Variants in PRICKLE2 observed in about 807,000 individuals in gnomAD.
The protein encoded by PRICKLE2 is prickle-like protein 2.
PRICKLE2 carries 21 observed loss-of-function variants against 81.4 expected under a neutral mutation model. The ratio of observed to expected loss-of-function variants is 0.26; its 90% CI spans 0.18 to 0.37. The LOEUF (loss-of-function observed/expected upper bound fraction) is 0.37. PRICKLE2 is among the 10% of genes least tolerant of loss of function. The pLI is 1.00. For missense variants in PRICKLE2, 940 were observed against 1,109.0 expected, an observed-to-expected ratio of 0.85 and a Z score of 2.16; for synonymous variants, 456 against 421.5, an observed-to-expected ratio of 1.08 and a Z score of -1.00.
chr3:64,240,474 A>G (rs1345798838), intron 2 of PRICKLE2, among the ~76,000 whole-genome samples: 1 of 152,172 alleles, frequency 6.6e-6, no homozygotes, highest in East Asian at 1.9e-4. Flanking sequence ...AAATTGAGGA[A>G]ATATAGGAAC....
chr3:64,244,358 G>A (rs575028850), intron 2 of PRICKLE2, among the ~76,000 whole-genome samples: 11 of 152,200 alleles, frequency 7.2e-5, no homozygotes, highest in Non-Finnish European at 1.0e-4. Context: ...TTTTCAGGGA[G>A]GATATAAGAT....
chr3:64,206,846 T>C (rs1394766545), intron 1 of PRICKLE2, among the ~76,000 whole-genome samples: 1 of 152,214 alleles, frequency 6.6e-6, no homozygotes, highest in Non-Finnish European at 1.5e-5. Context: ...TTTTGCTAAA[T>C]AACAGATGTA....
chr3:64,244,915 C>T (rs1228133621), intron 2 of PRICKLE2, among the ~76,000 whole-genome samples: 6 of 152,174 alleles, frequency 3.9e-5, no homozygotes, highest in Non-Finnish European at 5.9e-5. Flanking sequence ...GAATATACCC[C>T]GAATATTTCA....
rs149100199 is a variant in PRICKLE2 at position 64,265,797 on chromosome 3, C to T, written c.129-66830G>A. 8.2e-3 allele frequency among the ~76,000 whole-genome samples: 1,246 copies of T among 152,178 alleles called. 10 individuals are homozygous for T. The highest frequency in any genetic ancestry group is 0.01 in the Admixed American group (159 of 15,288). ...TCTCATTCCTCGACACATCTGTGTCCCTAAGGATAACAATTCTGGCTTAAA... is the reference window on the plus strand; with the variant it reads ...TCTCATTCCTCGACACATCTGTGTCTCTAAGGATAACAATTCTGGCTTAAA... On this transcript the variant is annotated intron_variant, in intron 2 of 8. Coordinates refer to the PRICKLE2 transcript ENST00000295902.
At chr3:64,211,046 A>G (rs1005685989) in intron 1 of PRICKLE2, among the ~76,000 whole-genome samples, 1 of 152,192 alleles carries the variant, frequency 6.6e-6, no homozygotes, top group Non-Finnish European at 1.5e-5. Flanking sequence ...AGTACAGAAC[A>G]TTCCTCAGAT....
chr3:64,201,207 G>C (rs1053806964), intron 1 of PRICKLE2, among the ~76,000 whole-genome samples: 1 of 152,150 alleles, frequency 6.6e-6, no homozygotes, highest in African/African-American at 2.4e-5. Flanking sequence ...AGGATTACAG[G>C]CATGAGCCAC....
chr3:64,153,506 T>C (rs2077578640), intron 5 of PRICKLE2, 138 bp from the exon 6 acceptor site: 1 of 754,222 alleles, frequency 1.3e-6, no homozygotes, highest in Non-Finnish European at 2.2e-6. Context: ...AAAATCCATA[T>C]GGATATGTTT....
intron 2 of PRICKLE2, among the ~76,000 whole-genome samples, chr3:64,256,421 C>T (rs1291541686): frequency 6.6e-6 from 1 of 152,120 alleles, no homozygotes; most frequent in Non-Finnish European, 1.5e-5. Flanking sequence ...AATTTGTTTT[C>T]TCATTACACA....
Position 64,225,246 on chromosome 3 carries a change from C to A in PRICKLE2, c.-377G>T. On this transcript the variant is annotated 5_prime_UTR_variant, in exon 1 of 8. Transcript: ENST00000638394. ...AGTGCTCAGATCGCCTTCCGGAGGA[C>A]CCCCAGTTTCCTCTTAACTCCCCTT... 1.0e-6 allele frequency: 1 copy of A among 985,404 alleles called. No homozygotes were observed. Among genetic ancestry groups the A allele is most frequent in the Non-Finnish European group, 1.2e-6 (1 of 829,980 alleles). The allele number at this position is 985,404 out of a possible 1,614,324, so 61.0% of individuals were successfully genotyped here. A position where few individuals can be genotyped will look rare whatever the true frequency, so the allele number is the denominator to read the frequency against.
At chr3:64,222,457 A>C (rs1427055866) in intron 1 of PRICKLE2, among the ~76,000 whole-genome samples, 1 of 152,170 alleles carries the variant, frequency 6.6e-6, no homozygotes, top group Non-Finnish European at 1.5e-5. Context: ...AAAAAGAAAG[A>C]TCTTGGGAGG....
chr3:64,164,505 T>C (rs1054152913), intron 2 of PRICKLE2, among the ~76,000 whole-genome samples: 3 of 152,210 alleles, frequency 2.0e-5, no homozygotes, highest in African/African-American at 7.2e-5. Flanking sequence ...CTCCAGAAAC[T>C]AAGTCATAAA....
intron 6 of PRICKLE2, among the ~76,000 whole-genome samples, chr3:64,151,825 G>C (rs766473994): frequency 1.4e-4 from 22 of 152,162 alleles, no homozygotes; most frequent in Non-Finnish European, 2.8e-4. Flanking sequence ...GATCTTGTGA[G>C]ACATGAAAGC....
At chr3:64,191,944 C>T (rs1160851926) in intron 2 of PRICKLE2, among the ~76,000 whole-genome samples, 1 of 152,138 alleles carries the variant, frequency 6.6e-6, no homozygotes, top group Non-Finnish European at 1.5e-5. Context: ...CCACCCTGCT[C>T]CAGACCCAGA....
intron 2 of PRICKLE2, among the ~76,000 whole-genome samples, chr3:64,177,613 G>C (rs1381547003): frequency 6.6e-6 from 1 of 151,988 alleles, no homozygotes; most frequent in African/African-American, 2.4e-5. Flanking sequence ...CTAATTTACT[G>C]TCTGTCTCTA....
intron 7 of PRICKLE2, among the ~76,000 whole-genome samples, chr3:64,132,736 G>A (rs534400393): frequency 6.6e-6 from 1 of 152,336 alleles, no homozygotes; most frequent in Admixed American, 6.5e-5. Flanking sequence ...AGTGTGGCTG[G>A]GGTTGAGGGT....
intron 1 of PRICKLE2, among the ~76,000 whole-genome samples, chr3:64,205,437 C>A (rs191700665): frequency 1.3e-5 from 2 of 152,304 alleles, no homozygotes; most frequent in East Asian, 3.9e-4. Flanking sequence ...AAATGACTAA[C>A]AATCTATACC....
chr3:64,254,398 GA>G (rs1289860299), intron 2 of PRICKLE2, among the ~76,000 whole-genome samples: 25 of 152,192 alleles, frequency 1.6e-4, no homozygotes, highest in African/African-American at 6.0e-4. Context: ...CTCCCAAGGC[GA>G]CAGACAAGAC....
chr3:64,246,059 A>G (rs74372054), intron 2 of PRICKLE2, among the ~76,000 whole-genome samples: 13,398 of 152,146 alleles, frequency 0.088, 772 homozygotes, highest in African/African-American at 0.17. Flanking sequence ...AGCCTGGCCA[A>G]CATGGCAAAA....
intron 1 of PRICKLE2, 98 bp downstream of exon 1, chr3:64,224,812 T>C (rs764210415): frequency 1.9e-4 from 130 of 681,754 alleles, no homozygotes; most frequent in Middle Eastern, 7.2e-4. Flanking sequence ...AGACCCAATA[T>C]CCTCCCCCAG....
Sources: gnomAD v4.1 joint callset for allele counts (sites outside exome capture counted in the v4.1 genomes callset) on GRCh38, gnomAD v4.1.1 for gene constraint, MANE v1.5 for transcripts, NCBI Gene and HGNC (gene_info 2026-07-23, HGNC 2026-07-21) for gene names.